The following PALM2AKAP2 variants were observed in gnomAD, a reference collection of about 807,000 sequenced individuals.
PALM2AKAP2 encodes PALM2 and AKAP2 fusion.
PALM2AKAP2 carries 37 observed loss-of-function variants against 71.5 expected under a neutral mutation model. The ratio of observed to expected loss-of-function variants is 0.52; its 90% CI spans 0.40 to 0.68. PALM2AKAP2 has a LOEUF of 0.68. Among genes scored for constraint, PALM2AKAP2 ranks in the 30% least tolerant of loss-of-function variants. The probability of loss-of-function intolerance (pLI) is 0.00; values close to 1 mark genes in which losing one functional copy is unlikely to be tolerated. For missense variants in PALM2AKAP2, 1,224 were observed against 1,191.8 expected (o/e 1.03, Z -0.40); for synonymous variants, 468 against 478.8 (o/e 0.98, Z 0.29).
chr9:109,803,506 G>T (rs1038373791), intron 1 of PALM2AKAP2, among the ~76,000 whole-genome samples: 2 of 152,188 alleles, frequency 1.3e-5, no homozygotes, highest in African/African-American at 4.8e-5. Flanking sequence ...CTGGAAAGAG[G>T]TCTACCTTGG....
chr9:109,901,379 C>T (rs556660983), intron 3 of PALM2AKAP2, among the ~76,000 whole-genome samples: 292 of 152,290 alleles, frequency 1.9e-3, no homozygotes, highest in Middle Eastern at 6.8e-3. Flanking sequence ...TCCCTGGGAA[C>T]GGACATGAGT....
intron 1 of PALM2AKAP2, among the ~76,000 whole-genome samples, chr9:110,085,347 T>G (rs929939694): frequency 1.3e-5 from 2 of 152,002 alleles, no homozygotes; most frequent in African/African-American, 4.8e-5. Flanking sequence ...GTATAAGAGG[T>G]GGGATACAGG....
intron 1 of PALM2AKAP2, among the ~76,000 whole-genome samples, chr9:109,807,716 A>G (rs756045085): frequency 2.0e-5 from 3 of 152,170 alleles, no homozygotes; most frequent in Non-Finnish European, 2.9e-5. Flanking sequence ...CTCTTTTATA[A>G]AGGCACTAAT....
intron 1 of PALM2AKAP2, among the ~76,000 whole-genome samples, chr9:109,821,248 G>A (rs1222831124): frequency 3.3e-5 from 5 of 152,108 alleles, no homozygotes; most frequent in Non-Finnish European, 7.3e-5. Context: ...GAGTTAATGG[G>A]TGCAGCACAC....
chr9:109,716,898 G>T (rs1828332425), intron 1 of PALM2AKAP2, among the ~76,000 whole-genome samples: 1 of 152,148 alleles, frequency 6.6e-6, no homozygotes, highest in South Asian at 2.1e-4. Flanking sequence ...GAAGAAAAAT[G>T]AGGTTTTGGG....
chr9:109,846,557 G>T (rs922255804), intron 1 of PALM2AKAP2, among the ~76,000 whole-genome samples: 2 of 152,204 alleles, frequency 1.3e-5, no homozygotes, highest in African/African-American at 2.4e-5. Context: ...GGAAAACAGA[G>T]CTGGGTACAA....
intron 2 of PALM2AKAP2, among the ~76,000 whole-genome samples, chr9:109,878,650 G>A (rs182360956): frequency 6.7e-6 from 1 of 150,170 alleles, no homozygotes; most frequent in Admixed American, 6.8e-5. Context: ...CATGGAGCAG[G>A]GTGTCTACAG....
chr9:110,057,117 G>C (rs183998390), intron 1 of PALM2AKAP2, among the ~76,000 whole-genome samples: 1 of 152,056 alleles, frequency 6.6e-6, no homozygotes, highest in Non-Finnish European at 1.5e-5. Flanking sequence ...TTGAGTGTCG[G>C]CTGGTAAGTT....
intron 3 of PALM2AKAP2, among the ~76,000 whole-genome samples, chr9:110,156,898 A>G (rs1423773171): frequency 2.0e-5 from 3 of 152,192 alleles, no homozygotes; most frequent in African/African-American, 7.2e-5. Flanking sequence ...GAAAAGGATG[A>G]AGATGCTGTT....
chr9:109,768,884 C>T (rs1423672997), intron 1 of PALM2AKAP2, among the ~76,000 whole-genome samples: 1 of 152,120 alleles, frequency 6.6e-6, no homozygotes, highest in African/African-American at 2.4e-5. Flanking sequence ...CTTCAGGAGG[C>T]CAAGGTGGGA....
At chr9:109,732,735 A>G (rs1171116080) in intron 1 of PALM2AKAP2, among the ~76,000 whole-genome samples, 2 of 152,192 alleles carry the variant, frequency 1.3e-5, no homozygotes, top group Non-Finnish European at 2.9e-5. Flanking sequence ...AGAAAAAGAA[A>G]GTCAGGGGAG....
chr9:109,768,061 C>G (rs6477726), intron 1 of PALM2AKAP2, among the ~76,000 whole-genome samples: 38,814 of 98,638 alleles, frequency 0.39, 8,792 homozygotes, highest in African/African-American at 0.64. Flanking sequence ...GAAAGAAAAA[C>G]AGTGAAGGAA....
chr9:109,716,921 C>G (rs993139155), intron 1 of PALM2AKAP2, among the ~76,000 whole-genome samples: 1 of 151,928 alleles, frequency 6.6e-6, no homozygotes, highest in Non-Finnish European at 1.5e-5. Flanking sequence ...ATCAGAAGGG[C>G]AGGGCTGGCT....
chr9:110,121,969 C>T (rs992278214), intron 1 of PALM2AKAP2, among the ~76,000 whole-genome samples: 6 of 152,296 alleles, frequency 3.9e-5, no homozygotes, highest in African/African-American at 9.6e-5. Flanking sequence ...CTCATTTTAC[C>T]GACCAGAAAA....
At chr9:109,716,353 C>A (rs956238406) in intron 1 of PALM2AKAP2, among the ~76,000 whole-genome samples, 1 of 152,098 alleles carries the variant, frequency 6.6e-6, no homozygotes, top group Admixed American at 6.6e-5. Context: ...ATGTCCAGAA[C>A]CAAGGAGTCT....
chr9:109,695,307 A>G (rs1019450472), intron 1 of PALM2AKAP2, among the ~76,000 whole-genome samples: 1 of 152,130 alleles, frequency 6.6e-6, no homozygotes, highest in African/African-American at 2.4e-5. Flanking sequence ...TTTCTTTTGG[A>G]TGTATTCCCA....
chr9:109,901,446 A>G (rs1283037992), intron 3 of PALM2AKAP2, among the ~76,000 whole-genome samples: 1 of 152,188 alleles, frequency 6.6e-6, no homozygotes. Flanking sequence ...TCTGTCCATT[A>G]GGAGAAACAG....
Position 110,024,978 on chromosome 9 carries a change from T to G in PALM2AKAP2, c.582+8939T>G, listed in dbSNP as rs143711673. ...TTCTCTGGGTGGAGCAGGCTGGCACTTCAGTTGAACCCAGGTACCTTTCTC... is the reference window on the plus strand; with the variant it reads ...TTCTCTGGGTGGAGCAGGCTGGCACGTCAGTTGAACCCAGGTACCTTTCTC... On this transcript the variant is annotated intron_variant, in intron 7 of 9. Coordinates refer to the PALM2AKAP2 transcript ENST00000302798. 172 of 1,312,772 alleles carry G rather than the reference T, an allele frequency of 1.3e-4. 1 individual carries two copies. Among genetic ancestry groups the G allele is most frequent in the Middle Eastern group, 1.2e-3 (5 of 4,098 alleles). The allele number at this position is 1,312,772 out of a possible 1,614,324, so 81.3% of individuals were successfully genotyped here.
At chr9:109,679,124 T>A (rs1281993446) in intron 1 of PALM2AKAP2, among the ~76,000 whole-genome samples, 3 of 152,216 alleles carry the variant, frequency 2.0e-5, no homozygotes, top group Non-Finnish European at 4.4e-5. Context: ...ATGCTGCTTC[T>A]CATGAGTTTT....
Sources: gnomAD v4.1 joint callset for allele counts (sites outside exome capture counted in the v4.1 genomes callset) on GRCh38, gnomAD v4.1.1 for gene constraint, MANE v1.5 for transcripts, NCBI Gene and HGNC (gene_info 2026-07-23, HGNC 2026-07-21) for gene names.